Variants in CTXN2 observed in about 807,000 individuals in gnomAD.
The protein encoded by CTXN2 is cortexin-2.
In CTXN2, 3 loss-of-function variants were observed where a neutral mutation model predicts 5.7. That is an observed-to-expected ratio of 0.53 (90% CI 0.24 to 1.36). The LOEUF (loss-of-function observed/expected upper bound fraction) is 1.36. Ranked by LOEUF, CTXN2 falls within the 40% of genes most tolerant of loss-of-function variation. CTXN2 has a pLI of 0.17. For synonymous variants in CTXN2, 38 were observed against 36.4 expected (o/e 1.04, Z -0.16); for missense variants, 87 against 93.0 (o/e 0.94, Z 0.26).
At chr15:48,192,758 A>G (rs2040836452) in intron 1 of CTXN2, among the ~76,000 whole-genome samples, 1 of 152,180 alleles carries the variant, frequency 6.6e-6, no homozygotes, top group African/African-American at 2.4e-5. Flanking sequence ...TTTCAGGTTT[A>G]TTGTTTGGAA....
At chr15:48,193,136 A>G (rs2040840545) in intron 1 of CTXN2, among the ~76,000 whole-genome samples, 1 of 152,176 alleles carries the variant, frequency 6.6e-6, no homozygotes, top group African/African-American at 2.4e-5. Flanking sequence ...GCTATTTGAT[A>G]TCTACAGGAA....
At position 48,191,854 on chromosome 15, in the gene CTXN2, G is replaced by A. The variant is rs1318065828; in HGVS notation, c.-58+1G>A. On this transcript the variant is annotated splice_donor_variant, in intron 1 of 1. Coordinates refer to ENST00000417307, the MANE Select transcript of CTXN2 (RefSeq NM_001145668.2). LOFTEE classifies it low-confidence loss of function (5UTR_SPLICE). ...ATCTCCATGGCAACAAGCATGGAAG[G>A]TGAGACATCGCTGTCTGCGAAGTAA... 2 of 455,780 alleles carry A rather than the reference G, an allele frequency of 4.4e-6. No individual in the cohort carries two copies. Among genetic ancestry groups the A allele is most frequent in the Admixed American group, 2.3e-5 (1 of 42,564 alleles). 28.2% of individuals were successfully genotyped at this position (455,780 alleles called of 1,614,324 possible).
chr15:48,187,846 A>G (rs1456661357), upstream of CTXN2, among the ~76,000 whole-genome samples: 1 of 152,306 alleles, frequency 6.6e-6, no homozygotes, highest in African/African-American at 2.4e-5. Context: ...CATATAAGGG[A>G]CACTATTTAG....
At chr15:48,192,943 T>A (rs2140979334) in intron 1 of CTXN2, among the ~76,000 whole-genome samples, 1 of 152,330 alleles carries the variant, frequency 6.6e-6, no homozygotes, top group East Asian at 1.9e-4. Flanking sequence ...GTAAGGTTAT[T>A]TCACAGAAGA....
At chr15:48,184,388 CATTCT>C (rs1242790914) in intron 1 of CTXN2, among the ~76,000 whole-genome samples, 4 of 152,102 alleles carry the variant, frequency 2.6e-5, no homozygotes, top group Non-Finnish European at 2.9e-5. Context: ...AAAGAACTCA[CATTCT>C]ACAAAATCAT....
intron 1 of CTXN2, among the ~76,000 whole-genome samples, chr15:48,197,425 G>T (rs1021898260): frequency 6.6e-6 from 1 of 151,850 alleles, no homozygotes; most frequent in African/African-American, 2.4e-5. Flanking sequence ...ATAATATATA[G>T]ATATGGATAT....
At chr15:48,179,416 C>T (rs554276299) in intron 1 of CTXN2, among the ~76,000 whole-genome samples, 63 of 150,178 alleles carry the variant, frequency 4.2e-4, no homozygotes, top group African/African-American at 1.5e-3. Flanking sequence ...CACACACACA[C>T]ATACACACAC....
At position 48,198,782 on chromosome 15, in the gene CTXN2, T is replaced by C. The variant is rs577769661; in HGVS notation, c.-57-2462T>C. On this transcript the variant is annotated intron_variant, in intron 1 of 1. Coordinates refer to ENST00000417307, the MANE Select transcript of CTXN2 (RefSeq NM_001145668.2). ...TCACTCTTCCAACAATCAGCTATGA[T>C]ACTGTGTCTGTGTCTACATTATGCA... Among the ~76,000 whole-genome samples the C allele has an allele frequency of 2.0e-5, 3 of 152,330 alleles. No individual in the cohort carries two copies. The East Asian group carries it at 5.8e-4, about 29-fold the overall frequency.
chr15:48,189,401 T>G (rs1451232576), upstream of CTXN2: 1 of 152,212 alleles, frequency 6.6e-6, no homozygotes. Context: ...ATATTTCAAG[T>G]CATAAAGTGA....
rs1233263807 is a variant in CTXN2, at chr15:48,201,348, C to G, written c.48C>G (p.Asn16Lys). Residue 16 changes from asparagine (N) to lysine (K), a missense_variant, in exon 2 of 2, where the codon AAC becomes AAG. Asn to Lys is a moderately conservative substitution (Grantham distance 94). Coordinates refer to ENST00000417307, the MANE Select transcript of CTXN2 (RefSeq NM_001145668.2). ...CGNSSAKMSV[N>K]EVSAFSLTLE... ...ACTCTTCAGCTAAGATGAGTGTCAA[C>G]GAAGTATCAGCTTTCTCATTGACTC... 2 of 1,551,122 alleles carry G rather than the reference C, an allele frequency of 1.3e-6. No individual in the cohort carries two copies. The highest frequency in any genetic ancestry group is 8.7e-7 in the Non-Finnish European group (1 of 1,146,560).
intron 1 of CTXN2, among the ~76,000 whole-genome samples, chr15:48,185,006 G>C (rs2040734700): frequency 2.0e-5 from 3 of 152,098 alleles, no homozygotes; most frequent in African/African-American, 7.2e-5. Flanking sequence ...AGTCATGAAG[G>C]ATGCTTACAT....
intron 1 of CTXN2, among the ~76,000 whole-genome samples, chr15:48,184,419 GGC>G (rs1334229812): frequency 2.6e-5 from 4 of 151,920 alleles, no homozygotes; most frequent in Non-Finnish European, 2.9e-5. Flanking sequence ...AAAAATAACT[GGC>G]AACTTAAGAA....
At chr15:48,192,496 TTAAC>T (rs2040833756) in intron 1 of CTXN2, 1 of 152,420 alleles carries the variant, frequency 6.6e-6, no homozygotes, top group African/African-American at 2.4e-5. Flanking sequence ...TTCTTAATGA[TTAAC>T]TACCTCTGTG....
chr15:48,183,457 T>C (rs892340027), intron 1 of CTXN2, among the ~76,000 whole-genome samples: 1 of 152,196 alleles, frequency 6.6e-6, no homozygotes, highest in Non-Finnish European at 1.5e-5. Context: ...AGACAACAGA[T>C]TGGTTTAAAA....
At position 48,201,284 on chromosome 15, in the gene CTXN2, C is replaced by A. The variant is rs768699711; in HGVS notation, c.-17C>A. 7 of 1,550,104 alleles carry A rather than the reference C, an allele frequency of 4.5e-6. No individual in the cohort carries two copies. Among genetic ancestry groups the A allele is most frequent in the Non-Finnish European group, 6.1e-6 (7 of 1,145,956 alleles). On this transcript the variant is annotated 5_prime_UTR_variant, in exon 2 of 2. Coordinates refer to ENST00000417307, the MANE Select transcript of CTXN2 (RefSeq NM_001145668.2). ...CAGAAGGAACTGTGAAGAGCCACAA[C>A]AATGTGCCAGTGAATAATGAGTAGT... is the stretch of plus-strand genomic sequence containing the variant.
At chr15:48,187,336 A>G (rs2040767728), upstream of CTXN2, among the ~76,000 whole-genome samples, 1 of 152,226 alleles carries the variant, frequency 6.6e-6, no homozygotes, top group South Asian at 2.1e-4. Context: ...AATCTTAAAA[A>G]ATAGTTATAC....
At position 48,202,850 on chromosome 15, in the gene CTXN2, C is replaced by G. The variant is rs1036200436; in HGVS notation, c.*1304C>G. On this transcript the variant is annotated 3_prime_UTR_variant, in exon 2 of 2. Transcript: ENST00000417307. ...CTAAATTCTTTCCAACTACAAACTTCTGACTCTCTATGAGTCAGAATGGAG... is the reference window on the plus strand; with the variant it reads ...CTAAATTCTTTCCAACTACAAACTTGTGACTCTCTATGAGTCAGAATGGAG... 6.0e-6 allele frequency: 1 copy of G among 165,306 alleles called. No individual in the cohort carries two copies. Among genetic ancestry groups the G allele is most frequent in the Non-Finnish European group, 1.5e-5 (1 of 68,100 alleles). 10.2% of individuals were successfully genotyped at this position (165,306 alleles called of 1,614,324 possible).
At chr15:48,197,295 C>A (rs1479258497) in intron 1 of CTXN2, among the ~76,000 whole-genome samples, 1 of 152,030 alleles carries the variant, frequency 6.6e-6, no homozygotes. Context: ...AATATTGTCT[C>A]CTTAGGGAAG....
intron 1 of CTXN2, among the ~76,000 whole-genome samples, chr15:48,182,822 C>T (rs769924928): frequency 1.8e-4 from 28 of 152,260 alleles, no homozygotes; most frequent in Middle Eastern, 6.8e-3. Context: ...GGCAAAGGTC[C>T]AGGAGCTATT....
Sources: gnomAD v4.1 joint callset for allele counts (sites outside exome capture counted in the v4.1 genomes callset) on GRCh38, gnomAD v4.1.1 for gene constraint, MANE v1.5 for transcripts, NCBI Gene and HGNC (gene_info 2026-07-23, HGNC 2026-07-21) for gene names.